MPPED2: variants seen among roughly 807,000 people sequenced by gnomAD.
MPPED2 encodes metallophosphoesterase domain containing 2.
Under a neutral mutation model 33.0 loss-of-function variants are expected in MPPED2, and 5 were observed. The ratio of observed to expected loss-of-function variants is 0.15; its 90% confidence interval spans 0.08 to 0.32. MPPED2 has a LOEUF of 0.32. MPPED2 is among the 10% of genes least tolerant of loss of function. MPPED2 has a pLI of 1.00. For synonymous variants in MPPED2, 136 were observed against 141.9 expected (o/e 0.96, Z 0.29); for missense variants, 275 against 372.1 (o/e 0.74, Z 2.15).
chr11:30,391,178 T>G (rs1947769502), intron 6 of MPPED2, among the ~76,000 whole-genome samples: 1 of 152,168 alleles, frequency 6.6e-6, no homozygotes, highest in South Asian at 2.1e-4. Flanking sequence ...GATTCTGAAC[T>G]GCAGGCCCAG....
chr11:30,484,683 T>G (rs1951639650), intron 4 of MPPED2, among the ~76,000 whole-genome samples: 1 of 152,192 alleles, frequency 6.6e-6, no homozygotes, highest in Non-Finnish European at 1.5e-5. Flanking sequence ...AAAATGCCCA[T>G]ATGTCTTCAT....
At chr11:30,396,657 G>T (rs534958518) in intron 6 of MPPED2, among the ~76,000 whole-genome samples, 31 of 152,090 alleles carry the variant, frequency 2.0e-4, no homozygotes, top group African/African-American at 7.5e-4. Flanking sequence ...TTCAATTTAG[G>T]TGCCTGAATA....
intron 4 of MPPED2, among the ~76,000 whole-genome samples, chr11:30,455,800 C>G (rs1950256313): frequency 6.6e-6 from 1 of 152,206 alleles, no homozygotes; most frequent in African/African-American, 2.4e-5. Flanking sequence ...AGGTAAAGAG[C>G]CCTCACCTGG....
intron 4 of MPPED2, among the ~76,000 whole-genome samples, chr11:30,482,414 T>C (rs1951529812): frequency 6.6e-6 from 1 of 152,304 alleles, no homozygotes; most frequent in South Asian, 2.1e-4. Flanking sequence ...GTAAGAATGC[T>C]TTTACTGGAA....
chr11:30,443,944 T>C (rs184359094), intron 4 of MPPED2, among the ~76,000 whole-genome samples: 2 of 152,340 alleles, frequency 1.3e-5, no homozygotes, highest in Admixed American at 6.5e-5. Context: ...TGAATGCAAA[T>C]TGTTAAGGGA....
chr11:30,549,922 T>G (rs1407770183), intron 2 of MPPED2, among the ~76,000 whole-genome samples: 2 of 152,170 alleles, frequency 1.3e-5, no homozygotes, highest in Non-Finnish European at 2.9e-5. Flanking sequence ...AATCATCTTT[T>G]GGGGAGGGGT....
chr11:30,481,119 A>G (rs1282412853), intron 4 of MPPED2, among the ~76,000 whole-genome samples: 1 of 152,160 alleles, frequency 6.6e-6, no homozygotes, highest in African/African-American at 2.4e-5. Context: ...CCACTTTAAG[A>G]ATCAAAAGAA....
intron 2 of MPPED2, among the ~76,000 whole-genome samples, chr11:30,556,994 T>A (rs1238646115): frequency 2.6e-5 from 4 of 151,742 alleles, no homozygotes; most frequent in Non-Finnish European, 5.9e-5. Flanking sequence ...AAAATCAAAA[T>A]CATAAGGGGG....
At chr11:30,532,556 G>A (rs1294026747) in intron 3 of MPPED2, among the ~76,000 whole-genome samples, 1 of 152,148 alleles carries the variant, frequency 6.6e-6, no homozygotes, top group Non-Finnish European at 1.5e-5. Flanking sequence ...AGAACAGTAT[G>A]AGCTTTATCA....
intron 6 of MPPED2, among the ~76,000 whole-genome samples, chr11:30,390,445 A>T (rs1031214398): frequency 5.3e-5 from 8 of 152,206 alleles, no homozygotes; most frequent in African/African-American, 1.9e-4. Flanking sequence ...GTATCCACTT[A>T]TGTTGGCCAA....
intron 4 of MPPED2, among the ~76,000 whole-genome samples, chr11:30,483,088 C>G (rs970578053): frequency 1.6e-4 from 24 of 152,130 alleles, no homozygotes; most frequent in Non-Finnish European, 3.2e-4. Context: ...CTATGAAAGC[C>G]GGCAACCACA....
At chr11:30,481,963 A>C (rs1951507905) in intron 4 of MPPED2, among the ~76,000 whole-genome samples, 1 of 152,126 alleles carries the variant, frequency 6.6e-6, no homozygotes, top group Admixed American at 6.5e-5. Context: ...AATCTGTGAA[A>C]TATGTACATA....
intron 3 of MPPED2, among the ~76,000 whole-genome samples, chr11:30,502,878 A>G (rs1952633732): frequency 1.3e-5 from 2 of 152,226 alleles, no homozygotes; most frequent in Admixed American, 1.3e-4. Flanking sequence ...AAAAATAAGT[A>G]TCAAACAACT....
At chr11:30,443,491 G>C (rs1197952873) in intron 4 of MPPED2, among the ~76,000 whole-genome samples, 5 of 152,156 alleles carry the variant, frequency 3.3e-5, no homozygotes, top group African/African-American at 1.2e-4. Context: ...TTGTAGGAGG[G>C]GAGGGAGAGA....
intron 6 of MPPED2, among the ~76,000 whole-genome samples, chr11:30,397,567 A>G (rs1347976212): frequency 6.6e-6 from 1 of 152,158 alleles, no homozygotes; most frequent in Admixed American, 6.5e-5. Flanking sequence ...TAAAACAACC[A>G]CTGACATTCA....
chr11:30,445,192 A>G (rs1472403282), intron 4 of MPPED2, among the ~76,000 whole-genome samples: 1 of 93,498 alleles, frequency 1.1e-5, no homozygotes, highest in East Asian at 2.7e-4. Flanking sequence ...GTCCACTAGG[A>G]GACTCCCCGG....
At chr11:30,479,263 G>A (rs4367923) in intron 4 of MPPED2, among the ~76,000 whole-genome samples, 37,416 of 151,978 alleles carry the variant, frequency 0.25, 5,223 homozygotes, top group Non-Finnish European at 0.32. Context: ...TCAAAATAAG[G>A]TCACCGGAGA....
chr11:30,488,471 G>A (rs531454903), intron 4 of MPPED2, among the ~76,000 whole-genome samples: 4 of 152,188 alleles, frequency 2.6e-5, no homozygotes, highest in Non-Finnish European at 5.9e-5. Flanking sequence ...CACCCGGCAG[G>A]CTTTGAAGGC....
chr11:30,550,145 G>T (rs1233026780), intron 2 of MPPED2, among the ~76,000 whole-genome samples: 1 of 152,160 alleles, frequency 6.6e-6, no homozygotes, highest in Non-Finnish European at 1.5e-5. Context: ...ATTAGCACTG[G>T]GGCTGGCGCT....
Sources: gnomAD v4.1 joint callset for allele counts (sites outside exome capture counted in the v4.1 genomes callset) on GRCh38, gnomAD v4.1.1 for gene constraint, MANE v1.5 for transcripts, NCBI Gene and HGNC (gene_info 2026-07-23, HGNC 2026-07-21) for gene names.